Variants in LMO4 observed in about 807,000 individuals in gnomAD.
LMO4 encodes the protein LIM domain only 4.
In LMO4, 3 loss-of-function variants were observed where a neutral mutation model predicts 18.5. The ratio of observed to expected loss-of-function variants is 0.16; its 90% CI spans 0.07 to 0.42. LMO4 has a LOEUF of 0.42. Among genes scored for constraint, LMO4 ranks in the 10% least tolerant of loss-of-function variants. The pLI is 0.99. For missense variants in LMO4, 121 were observed against 219.9 expected (o/e 0.55, Z 2.84); for synonymous variants, 100 against 88.1 (o/e 1.14, Z -0.76).
chr1:87,336,774 C>G (rs758758144), intron 2 of LMO4, among the ~76,000 whole-genome samples: 1 of 152,182 alleles, frequency 6.6e-6, no homozygotes, highest in Non-Finnish European at 1.5e-5. Context: ...CAATTAAAGA[C>G]TCCCCTGGCT....
At chr1:87,332,366 CAAA>C in intron 2 of LMO4, 115 bp downstream of exon 2, 1 of 742,510 alleles carries the variant, frequency 1.3e-6, no homozygotes, top group Non-Finnish European at 2.2e-6. Context: ...GCCTTCACCT[CAAA>C]AATCTTCTAG....
intron 4 of LMO4, among the ~76,000 whole-genome samples, chr1:87,344,452 C>T (rs1405104623): frequency 6.6e-6 from 1 of 152,166 alleles, no homozygotes; most frequent in Admixed American, 6.5e-5. Flanking sequence ...TTAAAAAATT[C>T]AAGATCCCAC....
intron 1 of LMO4, chr1:87,331,782 G>T: frequency 1.8e-6 from 1 of 553,366 alleles, no homozygotes; most frequent in East Asian, 3.0e-5. Context: ...AAGTTGAGAG[G>T]AGCTCGTGGC....
At chr1:87,334,291 G>A (rs909209544) in intron 2 of LMO4, among the ~76,000 whole-genome samples, 1 of 152,170 alleles carries the variant, frequency 6.6e-6, no homozygotes, top group Admixed American at 6.5e-5. Context: ...ATGAGTTCTA[G>A]CTCAGTACGA....
At chr1:87,332,747 G>C (rs1298133359) in intron 2 of LMO4, among the ~76,000 whole-genome samples, 1 of 152,194 alleles carries the variant, frequency 6.6e-6, no homozygotes, top group Non-Finnish European at 1.5e-5. Flanking sequence ...TGAGCGGAAG[G>C]CTGTGATTCG....
intron 1 of LMO4, 164 bp from the exon 2 acceptor site, chr1:87,331,849 C>A: frequency 5.0e-6 from 3 of 594,688 alleles, no homozygotes; most frequent in Non-Finnish European, 8.8e-6. Flanking sequence ...AGCCTCCCTT[C>A]TTCCCTCTCC....
chr1:87,344,836 TTTG>T lies in LMO4; in HGVS notation c.*43_*45del. ...GCAGAATGCGTGCCTTCATCTCAGA[TTTG>T]TTCATCACAGGTGGATCCCATGTGT... On this transcript the variant is annotated 3_prime_UTR_variant, in exon 5 of 5. Transcript: ENST00000370544. The T allele has an allele frequency of 2.5e-6, 4 of 1,610,878 alleles. No individual in the cohort carries two copies. Among genetic ancestry groups the T allele is most frequent in the Middle Eastern group, 3.3e-4 (2 of 6,058 alleles).
intron 2 of LMO4, among the ~76,000 whole-genome samples, chr1:87,334,762 C>T (rs1176812216): frequency 6.6e-6 from 1 of 152,176 alleles, no homozygotes; most frequent in African/African-American, 2.4e-5. Flanking sequence ...CCTCCCCCTC[C>T]GCGGCCAAGT....
chr1:87,338,699 C>G (rs994464967), intron 2 of LMO4, among the ~76,000 whole-genome samples: 1 of 152,174 alleles, frequency 6.6e-6, no homozygotes, highest in Non-Finnish European at 1.5e-5. Context: ...CCCTCCTCCC[C>G]CCATGGCAGA....
intron 2 of LMO4, among the ~76,000 whole-genome samples, chr1:87,338,071 T>G (rs1291024375): frequency 6.6e-6 from 1 of 152,208 alleles, no homozygotes. Flanking sequence ...AAAGCCATCT[T>G]AAGGGGCAGT....
At chr1:87,335,550 C>T (rs920873366) in intron 2 of LMO4, among the ~76,000 whole-genome samples, 2 of 151,906 alleles carry the variant, frequency 1.3e-5, no homozygotes, top group African/African-American at 4.8e-5. Context: ...CCCGCAGCCG[C>T]AGTGAGCCCG....
intron 4 of LMO4, among the ~76,000 whole-genome samples, chr1:87,343,369 C>G (rs1009176974): frequency 4.6e-5 from 7 of 152,270 alleles, no homozygotes; most frequent in South Asian, 2.1e-4. Flanking sequence ...ATTTTATAAC[C>G]TATATCACTT....
At chr1:87,338,429 C>G (rs1383744820) in intron 2 of LMO4, among the ~76,000 whole-genome samples, 6 of 152,190 alleles carry the variant, frequency 3.9e-5, no homozygotes, top group Admixed American at 3.9e-4. Context: ...TCTGATTCTG[C>G]TTACTTGTTC....
intron 2 of LMO4, among the ~76,000 whole-genome samples, chr1:87,337,831 C>T (rs1557614969): frequency 6.6e-6 from 1 of 152,142 alleles, no homozygotes; most frequent in Non-Finnish European, 1.5e-5. Flanking sequence ...CTGAAGTGTC[C>T]AGCATTAGGA....
At chr1:87,337,473 G>T (rs1650347437) in intron 2 of LMO4, among the ~76,000 whole-genome samples, 1 of 152,140 alleles carries the variant, frequency 6.6e-6, no homozygotes, top group Non-Finnish European at 1.5e-5. Context: ...GTACCTGTTG[G>T]TAGTGGCAAC....
At position 87,348,286 on chromosome 1, in the gene LMO4, A is replaced by T. The variant is rs1650690872; in HGVS notation, c.*3490A>T. Reference sequence around the variant, plus strand: ...AAGACCCCTTCACCCTTCACCAGGGAATTCTATCCTGGGTGCTGTCCCACC... The same window carrying T: ...AAGACCCCTTCACCCTTCACCAGGGTATTCTATCCTGGGTGCTGTCCCACC... On this transcript the variant is annotated 3_prime_UTR_variant, in exon 5 of 5. Transcript: ENST00000370544. 1 of 169,668 alleles carries T rather than the reference A, an allele frequency of 5.9e-6. No homozygotes were observed. The highest frequency in any genetic ancestry group is 1.3e-5 in the Non-Finnish European group (1 of 77,760). 10.5% of individuals were successfully genotyped at this position (169,668 alleles called of 1,614,324 possible).
At chr1:87,336,854 AGTCT>A (rs1650329217) in intron 2 of LMO4, among the ~76,000 whole-genome samples, 1 of 152,196 alleles carries the variant, frequency 6.6e-6, no homozygotes, top group Admixed American at 6.5e-5. Context: ...ATTATAGTCC[AGTCT>A]GAGACCGATA....
At chr1:87,339,141 T>C (rs1208440587) in intron 2 of LMO4, among the ~76,000 whole-genome samples, 3 of 152,198 alleles carry the variant, frequency 2.0e-5, no homozygotes, top group Admixed American at 6.5e-5. Flanking sequence ...TGATGACTCA[T>C]ATCTGAAGAT....
rs1054104720 is a variant in LMO4 at position 87,329,264 on chromosome 1, G to T, written c.-4+20G>T. On this transcript the variant is annotated intron_variant, in intron 1 of 4. Coordinates refer to ENST00000370544, the MANE Select transcript of LMO4 (RefSeq NM_006769.4). ...AAGCAGGTAAGGGGGCGGGTGGAGA[G>T]CCGCGGGCCGGGAGGTGGGAGAGGG... 3.9e-5 allele frequency: 6 copies of T among 152,184 alleles called. No individual in the cohort carries two copies. The highest frequency in any genetic ancestry group is 1.4e-4 in the African/African-American group (6 of 41,420). The allele number at this position is 152,184 out of a possible 1,614,324, so 9.4% of individuals were successfully genotyped here. A position where few individuals can be genotyped will look rare whatever the true frequency, so the allele number is the denominator to read the frequency against.
Sources: gnomAD v4.1 joint callset for allele counts (sites outside exome capture counted in the v4.1 genomes callset) on GRCh38, gnomAD v4.1.1 for gene constraint, MANE v1.5 for transcripts, NCBI Gene and HGNC (gene_info 2026-07-23, HGNC 2026-07-21) for gene names.